Variants in GRAMD2A observed in about 807,000 individuals in gnomAD.
The protein encoded by GRAMD2A is GRAM domain containing 2A.
In GRAMD2A, 37 loss-of-function variants were observed where a neutral mutation model predicts 51.1. The ratio of observed to expected loss-of-function variants is 0.72; its 90% confidence interval spans 0.56 to 0.95. The LOEUF (loss-of-function observed/expected upper bound fraction) is 0.95. Among genes scored for constraint, GRAMD2A ranks in the 40% least tolerant of loss-of-function variants. The probability of loss-of-function intolerance (pLI) is 0.00; values close to 1 mark genes in which losing one functional copy is unlikely to be tolerated. For synonymous variants in GRAMD2A, 136 were observed against 157.1 expected (o/e 0.87, Z 1.01); for missense variants, 414 against 426.9 (o/e 0.97, Z 0.27).
intron 1 of GRAMD2A, among the ~76,000 whole-genome samples, chr15:72,188,340 G>GAAA (rs1200073458): frequency 2.8e-5 from 2 of 71,888 alleles, no homozygotes; most frequent in Non-Finnish European, 3.1e-5. Flanking sequence ...TCGTCTCAAA[G>GAAA]AAAAAAAAAA....
intron 1 of GRAMD2A, 83 bp downstream of exon 1, chr15:72,197,648 A>G: frequency 9.1e-7 from 1 of 1,104,370 alleles, no homozygotes; most frequent in Non-Finnish European, 1.1e-6. Flanking sequence ...CGGCCCCAGG[A>G]GCCGTCCTGC....
chr15:72,197,309 C>T (rs2081814360), intron 1 of GRAMD2A, among the ~76,000 whole-genome samples: 1 of 152,216 alleles, frequency 6.6e-6, no homozygotes, highest in South Asian at 2.1e-4. Flanking sequence ...GCAGGGAAAT[C>T]CAACCTTTGG....
intron 1 of GRAMD2A, among the ~76,000 whole-genome samples, chr15:72,178,287 C>T (rs1341684359): frequency 6.6e-6 from 1 of 152,200 alleles, no homozygotes; most frequent in Non-Finnish European, 1.5e-5. Context: ...CCTGGGGGCC[C>T]ATTTCCTAGG....
rs1228629056 is a variant in GRAMD2A, at chr15:72,170,887, T to G, written c.42-948A>C. Among the ~76,000 whole-genome samples the G allele has an allele frequency of 6.6e-6, 1 of 152,186 alleles. No homozygotes were observed. The highest frequency in any genetic ancestry group is 2.4e-5 in the African/African-American group (1 of 41,446). On this transcript the variant is annotated intron_variant, in intron 1 of 11. Transcript: ENST00000309731. The surrounding 1 kb of genome is among the most constrained non-coding windows in gnomAD (Gnocchi z 4.5). ...GGAGCCTGGAACCTACAAATCTCAA[T>G]GCTCAGTCACCCTCCGCTCTGTGAC... is the stretch of plus-strand genomic sequence containing the variant.
rs182130790 is a variant in GRAMD2A at position 72,160,941 on chromosome 15, G to A, written c.*1068C>T. ...CTTAATGGAGAATAGGCCCCATGGA[G>A]TGGAGGTCCCTCCTCCATGGCCTGC... is the stretch of plus-strand genomic sequence containing the variant. On this transcript the variant is annotated 3_prime_UTR_variant, in exon 12 of 12. Transcript: ENST00000309731. 3 of 152,508 alleles carry A rather than the reference G, an allele frequency of 2.0e-5. No individual in the cohort carries two copies. The highest frequency in any genetic ancestry group is 4.1e-4 in the South Asian group (2 of 4,832). 9.4% of individuals were successfully genotyped at this position (152,508 alleles called of 1,614,324 possible). A position where few individuals can be genotyped will look rare whatever the true frequency, so the allele number is the denominator to read the frequency against.
At chr15:72,174,840 A>G (rs1184673663) in intron 1 of GRAMD2A, among the ~76,000 whole-genome samples, 2 of 152,116 alleles carry the variant, frequency 1.3e-5, no homozygotes, top group Non-Finnish European at 2.9e-5. Flanking sequence ...AGGAGGGGGC[A>G]ATGAGTGGGA....
chr15:72,183,230 A>T (rs2081709594), intron 1 of GRAMD2A, among the ~76,000 whole-genome samples: 1 of 149,138 alleles, frequency 6.7e-6, no homozygotes. Flanking sequence ...TTCTAAAAGA[A>T]CTCTTGGCCG....
intron 1 of GRAMD2A, among the ~76,000 whole-genome samples, chr15:72,181,910 C>T (rs1055220787): frequency 2.6e-5 from 4 of 152,162 alleles, no homozygotes; most frequent in African/African-American, 9.7e-5. Context: ...GCTAGTAAGA[C>T]TGTGCCAGGG....
At chr15:72,164,661 T>C (rs572501464) in intron 8 of GRAMD2A, among the ~76,000 whole-genome samples, 105 of 152,216 alleles carry the variant, frequency 6.9e-4, no homozygotes, top group Non-Finnish European at 1.6e-4. Context: ...TGCTTTGGCC[T>C]CCCAAAGTGC....
At chr15:72,192,102 AATAAT>A (rs2081771853) in intron 1 of GRAMD2A, among the ~76,000 whole-genome samples, 1 of 152,230 alleles carries the variant, frequency 6.6e-6, no homozygotes, top group African/African-American at 2.4e-5. Flanking sequence ...TTTTGGATAA[AATAAT>A]ATAATAGCTA....
At chr15:72,175,400 C>T (rs530527876) in intron 1 of GRAMD2A, among the ~76,000 whole-genome samples, 6 of 152,304 alleles carry the variant, frequency 3.9e-5, no homozygotes, top group Non-Finnish European at 7.3e-5. Context: ...CTTCACTTCC[C>T]GTCACTTCTT....
intron 4 of GRAMD2A, among the ~76,000 whole-genome samples, chr15:72,168,255 G>T (rs2081570128): frequency 6.6e-6 from 1 of 152,200 alleles, no homozygotes; most frequent in Non-Finnish European, 1.5e-5. Context: ...GTAAGAGCAG[G>T]ACACAAGATT....
chr15:72,175,353 C>G (rs548197122), intron 1 of GRAMD2A, among the ~76,000 whole-genome samples: 2 of 152,170 alleles, frequency 1.3e-5, no homozygotes, highest in African/African-American at 4.8e-5. Flanking sequence ...AGCTGGGGCC[C>G]GGGTCTGATC....
Position 72,163,259 on chromosome 15 carries a change from C to T in GRAMD2A, c.956+7G>A, listed in dbSNP as rs1407665881. The stretch of plus-strand genomic sequence containing the variant: ...GGTCTGTCCCCCTCCCCAGTATAGT[C>T]ACTTACAGCACAAAGAAGACCTTGA... On this transcript the variant is annotated splice_region_variant and intron_variant, in intron 10 of 11. Coordinates refer to ENST00000309731, the MANE Select transcript of GRAMD2A (RefSeq NM_001012642.3). 5 of 1,608,102 alleles carry T rather than the reference C, an allele frequency of 3.1e-6. No homozygotes were observed. The South Asian group carries it at 3.3e-5, about 11-fold the overall frequency.
chr15:72,169,684 T>C (rs137951730), intron 2 of GRAMD2A, 163 bp downstream of exon 2: 420 of 696,012 alleles, frequency 6.0e-4, no homozygotes, highest in African/African-American at 5.7e-3. Flanking sequence ...TGGGACAGTC[T>C]TGAGGGGCGG....
chr15:72,197,244 G>A (rs1000456044), intron 1 of GRAMD2A, among the ~76,000 whole-genome samples: 2 of 152,210 alleles, frequency 1.3e-5, no homozygotes, highest in African/African-American at 4.8e-5. Flanking sequence ...GCAGCCGCGG[G>A]CCGCTACAAT....
intron 1 of GRAMD2A, among the ~76,000 whole-genome samples, chr15:72,179,270 G>A (rs1187433493): frequency 6.6e-6 from 1 of 152,238 alleles, no homozygotes; most frequent in African/African-American, 2.4e-5. Flanking sequence ...GTGTGCTCCA[G>A]GCCCAGGAAA....
At chr15:72,182,376 A>C (rs956589871) in intron 1 of GRAMD2A, among the ~76,000 whole-genome samples, 13 of 151,738 alleles carry the variant, frequency 8.6e-5, no homozygotes, top group Non-Finnish European at 1.8e-4. Context: ...AAAAAAAAAA[A>C]AAAAAAAAAC....
chr15:72,164,810 G>A (rs969957129), intron 8 of GRAMD2A, among the ~76,000 whole-genome samples: 2 of 152,162 alleles, frequency 1.3e-5, no homozygotes, highest in Non-Finnish European at 2.9e-5. Context: ...AACCTGGCCA[G>A]TGTTTTGGTG....
Sources: allele counts gnomAD v4.1 joint callset (sites outside exome capture counted in the v4.1 genomes callset), GRCh38; gene constraint gnomAD v4.1.1; non-coding constraint Gnocchi (gnomAD v3.1); transcripts MANE v1.5; gene names NCBI Gene and HGNC (gene_info 2026-07-23, HGNC 2026-07-21).